Variants in BBS9 observed in about 807,000 individuals in gnomAD.
BBS9 encodes the protein Bardet-Biedl syndrome 9, also known as protein PTHB1.
BBS9 carries 89 observed loss-of-function variants against 117.7 expected under a neutral mutation model. The ratio of observed to expected loss-of-function variants is 0.76; its 90% CI spans 0.64 to 0.90. BBS9 has a LOEUF of 0.90. Ranked by LOEUF, BBS9 falls within the 40% of genes least tolerant of loss-of-function variation. The probability of loss-of-function intolerance (pLI) is 0.00; values close to 1 mark genes in which losing one functional copy is unlikely to be tolerated. For synonymous variants in BBS9, 379 were observed against 370.9 expected, an observed-to-expected ratio of 1.02 and a Z score of -0.25; for missense variants, 982 against 1,042.2, an observed-to-expected ratio of 0.94 and a Z score of 0.80.
At chr7:33,324,131 C>T (rs1006646022) in intron 9 of BBS9, among the ~76,000 whole-genome samples, 5 of 152,220 alleles carry the variant, frequency 3.3e-5, no homozygotes, top group Middle Eastern at 3.4e-3. Context: ...AGCCACCACG[C>T]TTGGACCCCT....
At chr7:33,397,782 A>T (rs898880549) in intron 19 of BBS9, among the ~76,000 whole-genome samples, 3 of 152,158 alleles carry the variant, frequency 2.0e-5, no homozygotes, top group Non-Finnish European at 4.4e-5. Flanking sequence ...ACACATGGAC[A>T]CATTGTGAGG....
At chr7:33,569,773 A>C (rs971055505) in intron 21 of BBS9, among the ~76,000 whole-genome samples, 1 of 152,152 alleles carries the variant, frequency 6.6e-6, no homozygotes, top group African/African-American at 2.4e-5. Context: ...AAAAAATAAA[A>C]TAAAATAAAA....
chr7:33,467,727 T>C (rs116913538), intron 19 of BBS9, among the ~76,000 whole-genome samples: 1,590 of 152,304 alleles, frequency 0.01, 15 homozygotes, highest in South Asian at 0.022. Context: ...AAAAAATAGA[T>C]ATTTCTTGTA....
chr7:33,224,292 C>A (rs1790827322), intron 5 of BBS9, among the ~76,000 whole-genome samples: 2 of 152,164 alleles, frequency 1.3e-5, no homozygotes, highest in Non-Finnish European at 2.9e-5. Flanking sequence ...AAATTAGTTA[C>A]TTGGGTTTAC....
Position 33,289,998 on chromosome 7 carries a change from A to G in BBS9, c.1016+16042A>G, listed in dbSNP as rs578258390. 2.0e-4 allele frequency among the ~76,000 whole-genome samples: 31 copies of G among 152,094 alleles called. No individual in the cohort carries two copies. In the South Asian group the frequency reaches 6.2e-3, roughly 31 times the overall value. ...GAGGCAGAGGTCGCAGTGAGCCGAG[A>G]GTGCACCACTGCACTCCAGCCTGGT... On this transcript the variant is annotated intron_variant, in intron 9 of 22. Coordinates refer to ENST00000242067, the MANE Select transcript of BBS9 (RefSeq NM_198428.3).
chr7:33,221,489 T>C (rs566385684), intron 5 of BBS9, among the ~76,000 whole-genome samples: 5 of 152,316 alleles, frequency 3.3e-5, no homozygotes, highest in African/African-American at 1.2e-4. Flanking sequence ...GTTATTTTAT[T>C]CTAACAAGAA....
intron 17 of BBS9, among the ~76,000 whole-genome samples, chr7:33,371,433 A>G (rs2128721944): frequency 6.6e-6 from 1 of 152,306 alleles, no homozygotes. Context: ...GTAACTCAGA[A>G]TTGAGATGTA....
At chr7:33,290,639 T>TA (rs1387416098) in intron 9 of BBS9, among the ~76,000 whole-genome samples, 1 of 152,248 alleles carries the variant, frequency 6.6e-6, no homozygotes, top group Admixed American at 6.5e-5. Flanking sequence ...TTTAAATTTT[T>TA]AAAAAATTTT....
chr7:33,276,283 C>G (rs1800753375), intron 9 of BBS9, among the ~76,000 whole-genome samples: 1 of 152,300 alleles, frequency 6.6e-6, no homozygotes, highest in South Asian at 2.1e-4. Flanking sequence ...TTTCTGCCCT[C>G]ACCACAATTG....
At chr7:33,457,590 A>T (rs1838830917) in intron 19 of BBS9, among the ~76,000 whole-genome samples, 1 of 152,220 alleles carries the variant, frequency 6.6e-6, no homozygotes, top group South Asian at 2.1e-4. Context: ...GGAATAAGAT[A>T]TAATTTACAC....
chr7:33,527,827 G>T (rs572969493), intron 20 of BBS9, among the ~76,000 whole-genome samples: 95 of 152,246 alleles, frequency 6.2e-4, no homozygotes, highest in African/African-American at 2.2e-3. Flanking sequence ...AGCCCTCTTT[G>T]CATGACAAGG....
At chr7:33,458,850 G>A (rs1258785195) in intron 19 of BBS9, among the ~76,000 whole-genome samples, 2 of 152,148 alleles carry the variant, frequency 1.3e-5, no homozygotes, top group African/African-American at 4.8e-5. Flanking sequence ...TAGCAGAAAA[G>A]ATGGGATTCC....
chr7:33,226,213 C>T (rs1791243244), intron 5 of BBS9, among the ~76,000 whole-genome samples: 1 of 152,144 alleles, frequency 6.6e-6, no homozygotes, highest in African/African-American at 2.4e-5. Context: ...GAAAATTTCT[C>T]ATCTCTATAG....
At chr7:33,344,406 T>C (rs1341067987) in intron 11 of BBS9, among the ~76,000 whole-genome samples, 175 bp from the exon 12 acceptor site, 1 of 152,206 alleles carries the variant, frequency 6.6e-6, no homozygotes, top group African/African-American at 2.4e-5. Flanking sequence ...TATGACTTTC[T>C]GGACGAAGGC....
chr7:33,183,194 C>CT (rs370338569), intron 5 of BBS9, among the ~76,000 whole-genome samples: 1 of 152,068 alleles, frequency 6.6e-6, no homozygotes, highest in East Asian at 1.9e-4. Flanking sequence ...AAACAGATGT[C>CT]TTTTTTTCCC....
chr7:33,525,064 T>C (rs2129047675), intron 20 of BBS9, among the ~76,000 whole-genome samples: 2 of 151,878 alleles, frequency 1.3e-5, no homozygotes, highest in South Asian at 4.2e-4. Flanking sequence ...CGGTTTTGAG[T>C]GAGATTCTTA....
At chr7:33,447,999 CA>C (rs1355783870) in intron 19 of BBS9, among the ~76,000 whole-genome samples, 3 of 152,046 alleles carry the variant, frequency 2.0e-5, no homozygotes, top group African/African-American at 7.2e-5. Context: ...TGTAAAAAAA[CA>C]AAACAAAAAC....
intron 9 of BBS9, among the ~76,000 whole-genome samples, chr7:33,279,748 T>C (rs939655917): frequency 6.6e-6 from 1 of 152,236 alleles, no homozygotes; most frequent in Non-Finnish European, 1.5e-5. Context: ...TTAAATTGTT[T>C]TTTATTTAAT....
rs758097081 is a variant in BBS9 at position 33,273,018 on chromosome 7, T to G, written c.709T>G (p.Trp237Gly). The G allele has an allele frequency of 6.8e-6, 11 of 1,613,614 alleles. No individual in the cohort carries two copies. The highest frequency in any genetic ancestry group is 8.5e-7 in the Non-Finnish European group (1 of 1,179,766). The change falls in exon 8 of 23, where the codon TGG (tryptophan) becomes GGG (glycine). Residue 237 changes from tryptophan to glycine, a missense_variant. Physicochemically the swap from Trp to Gly is radical, Grantham distance 184. Transcript: ENST00000242067. ...LGSGKRLVVD[W>G]TLNIGEQALD... ...ATTGAGTTTTGCTTTGTAGGTGGATTGGACTCTAAATATTGGAGAGCAAGC... is the reference window on the plus strand; with the variant it reads ...ATTGAGTTTTGCTTTGTAGGTGGATGGGACTCTAAATATTGGAGAGCAAGC...
Sources: allele counts gnomAD v4.1 joint callset (sites outside exome capture counted in the v4.1 genomes callset), GRCh38; gene constraint gnomAD v4.1.1; transcripts MANE v1.5; gene names NCBI Gene and HGNC (gene_info 2026-07-23, HGNC 2026-07-21).